DIAPH3: variants seen among roughly 807,000 people sequenced by gnomAD.
The protein encoded by DIAPH3 is diaphanous related formin 3.
Under a neutral mutation model 144.3 loss-of-function variants are expected in DIAPH3, and 117 were observed. The ratio of observed to expected loss-of-function variants is 0.81; its 90% CI spans 0.70 to 0.95. The LOEUF (loss-of-function observed/expected upper bound fraction) is 0.95. Ranked by LOEUF, DIAPH3 falls within the 40% of genes least tolerant of loss-of-function variation. The pLI is 0.00. For missense variants in DIAPH3, 1,421 were observed against 1,412.7 expected (o/e 1.01, Z -0.09); for synonymous variants, 519 against 488.9 (o/e 1.06, Z -0.81).
In DIAPH3 at chr13:59,833,185, T is replaced by C. The variant is rs765909306; in HGVS notation, c.2949A>G (p.Gly983=). The change falls in exon 24 of 28, where the codon GGA becomes GGG. Residue 983 remains glycine (G), a synonymous_variant. Coordinates refer to ENST00000400324, the MANE Select transcript of DIAPH3 (RefSeq NM_001042517.2). ...NMEKLYQSII[G]YYAIDVKKVS... ...CCTTCTTCACATCAATGGCATAGTATCCTATTATACTCTGGTATAACTTTT... is the reference window on the plus strand; with the variant it reads ...CCTTCTTCACATCAATGGCATAGTACCCTATTATACTCTGGTATAACTTTT... 4.3e-6 allele frequency: 7 copies of C among 1,610,770 alleles called. No individual in the cohort carries two copies. In the African/African-American group the frequency reaches 5.3e-5, roughly 12 times the overall value.
rs189710619 is a variant in DIAPH3, at chr13:59,964,879, G to A, written c.2074+5065C>T. On this transcript the variant is annotated intron_variant, in intron 17 of 27. Transcript: ENST00000400324. ...CCAATCTTTCCAAATCAGTATTTGT[G>A]AAATATTCTGTTCTTTTCAGGAAAC... Among the ~76,000 whole-genome samples, 193 of 152,142 alleles carry A rather than the reference G, an allele frequency of 1.3e-3. 1 individual carries two copies. The highest frequency in any genetic ancestry group is 2.5e-3 in the Admixed American group (38 of 15,280).
At chr13:60,002,654 G>A (rs1039503677) in intron 9 of DIAPH3, among the ~76,000 whole-genome samples, 4 of 152,134 alleles carry the variant, frequency 2.6e-5, no homozygotes, top group Admixed American at 6.5e-5. Context: ...GCAACTTCAT[G>A]GGTACTGGAT....
intron 3 of DIAPH3, among the ~76,000 whole-genome samples, chr13:60,097,830 T>C (rs1330433206): frequency 6.6e-6 from 1 of 150,558 alleles, no homozygotes; most frequent in Non-Finnish European, 1.5e-5. Flanking sequence ...AGAGAGAAAA[T>C]ATGCATGAAA....
At chr13:59,775,282 G>A (rs1027085371) in intron 25 of DIAPH3, among the ~76,000 whole-genome samples, 4 of 151,912 alleles carry the variant, frequency 2.6e-5, no homozygotes, top group Admixed American at 1.3e-4. Context: ...TCGCTCTGTC[G>A]CCCAGGCTGG....
chr13:60,014,376 T>C (rs1328649690), intron 7 of DIAPH3, among the ~76,000 whole-genome samples: 1 of 152,166 alleles, frequency 6.6e-6, no homozygotes, highest in Non-Finnish European at 1.5e-5. Context: ...TATCTGATTT[T>C]CAAAGAACCG....
At chr13:59,844,914 C>G (rs1160867771) in intron 22 of DIAPH3, among the ~76,000 whole-genome samples, 2 of 152,154 alleles carry the variant, frequency 1.3e-5, no homozygotes, top group Admixed American at 6.5e-5. Flanking sequence ...TGACCCTTTC[C>G]TCTCTTGCAA....
intron 4 of DIAPH3, among the ~76,000 whole-genome samples, chr13:60,059,818 T>A (rs150025787): frequency 1.3e-5 from 2 of 152,102 alleles, no homozygotes; most frequent in African/African-American, 4.8e-5. Context: ...CTGATATTCT[T>A]AGTCATTGGT....
chr13:59,778,236 A>C (rs1238930829), intron 25 of DIAPH3, among the ~76,000 whole-genome samples: 2 of 152,174 alleles, frequency 1.3e-5, no homozygotes, highest in Non-Finnish European at 2.9e-5. Context: ...ATGTGGCATA[A>C]ACTAGGTGCC....
At chr13:60,050,829 A>T (rs2056309563) in intron 4 of DIAPH3, among the ~76,000 whole-genome samples, 1 of 73,684 alleles carries the variant, frequency 1.4e-5, no homozygotes, top group Non-Finnish European at 3.0e-5. Flanking sequence ...ACGTGAAACA[A>T]GGAGGTCAGT....
intron 5 of DIAPH3, among the ~76,000 whole-genome samples, chr13:60,029,021 T>A (rs2054589939): frequency 6.6e-6 from 1 of 150,820 alleles, no homozygotes; most frequent in African/African-American, 2.4e-5. Context: ...ATCGTGCCAC[T>A]GCACTCCAGT....
intron 4 of DIAPH3, among the ~76,000 whole-genome samples, chr13:60,048,977 C>G (rs551403609): frequency 7.9e-5 from 12 of 152,266 alleles, no homozygotes; most frequent in African/African-American, 2.6e-4. Context: ...TGAAAAAAAT[C>G]TACGATGTAT....
At chr13:59,964,767 G>C (rs1167761141) in intron 17 of DIAPH3, among the ~76,000 whole-genome samples, 1 of 151,984 alleles carries the variant, frequency 6.6e-6, no homozygotes, top group Admixed American at 6.6e-5. Context: ...ATTTCTTTAA[G>C]TCTTTACTAC....
At chr13:59,854,511 C>G (rs2043154876) in intron 22 of DIAPH3, among the ~76,000 whole-genome samples, 1 of 152,164 alleles carries the variant, frequency 6.6e-6, no homozygotes, top group South Asian at 2.1e-4. Flanking sequence ...CAACAAGATT[C>G]ATAAGATTGC....
At chr13:59,958,915 G>T (rs1594129108) in intron 17 of DIAPH3, among the ~76,000 whole-genome samples, 2 of 118,622 alleles carry the variant, frequency 1.7e-5, no homozygotes, top group Admixed American at 2.3e-4. Context: ...CGCTCCTGTT[G>T]CCCAGGCTGG....
At chr13:59,902,898 C>G (rs948579498) in intron 20 of DIAPH3, among the ~76,000 whole-genome samples, 28 of 152,122 alleles carry the variant, frequency 1.8e-4, no homozygotes, top group African/African-American at 6.8e-4. Context: ...TTTATTATTT[C>G]AAACCAATGT....
intron 14 of DIAPH3, among the ~76,000 whole-genome samples, chr13:59,978,132 C>T (rs995224536): frequency 1.4e-4 from 22 of 151,758 alleles, no homozygotes; most frequent in Non-Finnish European, 3.2e-4. Context: ...ACTCACCAAC[C>T]TGAAAGCTCA....
intron 20 of DIAPH3, among the ~76,000 whole-genome samples, chr13:59,895,440 A>C (rs954648584): frequency 7.5e-5 from 11 of 146,174 alleles, no homozygotes; most frequent in East Asian, 1.9e-4. Context: ...GAAAAAAAAA[A>C]AAACAAAAAA....
At chr13:60,112,302 A>G in intron 2 of DIAPH3, 116 bp from the exon 3 acceptor site, 1 of 1,200,078 alleles carries the variant, frequency 8.3e-7, no homozygotes, top group Non-Finnish European at 1.2e-6. Context: ...GATTTCATCA[A>G]GAGGCATTCA....
At chr13:59,852,000 G>A (rs905333533) in intron 22 of DIAPH3, among the ~76,000 whole-genome samples, 8 of 151,762 alleles carry the variant, frequency 5.3e-5, no homozygotes, top group Non-Finnish European at 1.2e-4. Context: ...TAATACAAGT[G>A]CCTAGCACAA....
Sources: allele counts gnomAD v4.1 joint callset (sites outside exome capture counted in the v4.1 genomes callset), GRCh38; gene constraint gnomAD v4.1.1; transcripts MANE v1.5; gene names NCBI Gene and HGNC (gene_info 2026-07-23, HGNC 2026-07-21).